Variants in RASGRF2 observed in about 807,000 individuals in gnomAD.
The protein encoded by RASGRF2 is Ras protein specific guanine nucleotide releasing factor 2.
A neutral mutation model predicts 151.0 loss-of-function variants in RASGRF2; 76 were observed. The observed-to-expected ratio is 0.50, with a 90% CI of 0.42 to 0.61. The LOEUF (loss-of-function observed/expected upper bound fraction) is 0.61. Ranked by LOEUF, RASGRF2 falls within the 20% of genes least tolerant of loss-of-function variation. The pLI is 0.00. For synonymous variants in RASGRF2, 504 were observed against 566.5 expected (o/e 0.89, Z 1.57); for missense variants, 1,148 against 1,564.6 (o/e 0.73, Z 4.49).
rs1747509725 is a variant in RASGRF2, at chr5:80,960,574, G to C, written c.-165G>C. 17 of 561,844 alleles carry C rather than the reference G, an allele frequency of 3.0e-5. No individual in the cohort carries two copies. Among genetic ancestry groups the C allele is most frequent in the South Asian group, 9.3e-5 (1 of 10,724 alleles). The allele number at this position is 561,844 out of a possible 1,614,324, so 34.8% of individuals were successfully genotyped here. On this transcript the variant is annotated 5_prime_UTR_variant, in exon 1 of 27. Transcript: ENST00000265080. The surrounding 1 kb of genome is among the most constrained non-coding windows in gnomAD (Gnocchi z 5.5). ...CCGCGCCCCTGCCACCGCGCGCCGC[G>C]GCCTCCCGAAAGCGGGCGGGGTGCC...
chr5:81,146,847 C>T (rs1383903398), intron 17 of RASGRF2, among the ~76,000 whole-genome samples: 1 of 152,130 alleles, frequency 6.6e-6, no homozygotes, highest in Non-Finnish European at 1.5e-5. Context: ...GTTATTCTTT[C>T]CCACTCTGTA....
intron 12 of RASGRF2, among the ~76,000 whole-genome samples, chr5:81,098,617 G>A (rs1415079839): frequency 6.6e-6 from 1 of 152,196 alleles, no homozygotes; most frequent in Non-Finnish European, 1.5e-5. Context: ...GTGGTCACAT[G>A]TCAACTGCTG....
At chr5:81,081,615 G>A (rs183870548) in intron 7 of RASGRF2, among the ~76,000 whole-genome samples, 15 of 152,266 alleles carry the variant, frequency 9.9e-5, no homozygotes, top group African/African-American at 3.4e-4. Context: ...ATTGTCATGT[G>A]GTAAACCGAT....
Position 81,212,570 on chromosome 5 carries a change from C to T in RASGRF2, c.3354+7C>T, listed in dbSNP as rs1580410739. On this transcript the variant is annotated splice_region_variant and intron_variant, in intron 23 of 26. Transcript: ENST00000265080. ...GGCCAAGGTCTCTAAGCAGGTGAGCCTCAGCGTGTGACACAGCCTGCTGCT... is the reference window on the plus strand; with the variant it reads ...GGCCAAGGTCTCTAAGCAGGTGAGCTTCAGCGTGTGACACAGCCTGCTGCT... The T allele has an allele frequency of 6.2e-7, 1 of 1,603,860 alleles. No individual in the cohort carries two copies. Among genetic ancestry groups the T allele is most frequent in the South Asian group, 1.1e-5 (1 of 89,704 alleles).
At chr5:81,159,597 G>T (rs1754336608) in intron 17 of RASGRF2, among the ~76,000 whole-genome samples, 1 of 152,182 alleles carries the variant, frequency 6.6e-6, no homozygotes, top group African/African-American at 2.4e-5. Flanking sequence ...TTGGAACTAG[G>T]GGTATTTTGT....
intron 13 of RASGRF2, among the ~76,000 whole-genome samples, chr5:81,109,426 C>T (rs558210960): frequency 3.3e-5 from 5 of 152,270 alleles, no homozygotes; most frequent in African/African-American, 7.2e-5. Flanking sequence ...GAGGCCGAGG[C>T]GGGTGGATTA....
At chr5:81,107,026 G>T (rs906595426) in intron 12 of RASGRF2, among the ~76,000 whole-genome samples, 4 of 152,004 alleles carry the variant, frequency 2.6e-5, no homozygotes, top group African/African-American at 9.7e-5. Flanking sequence ...TGTACTTTCA[G>T]CTGTTTATAC....
intron 1 of RASGRF2, among the ~76,000 whole-genome samples, chr5:81,023,111 T>C (rs1749889459): frequency 6.6e-6 from 1 of 151,988 alleles, no homozygotes; most frequent in African/African-American, 2.4e-5. Context: ...GGAAGGAAGG[T>C]AACAAGTACA....
chr5:81,039,732 G>A (rs186276252), intron 1 of RASGRF2, among the ~76,000 whole-genome samples: 25 of 149,102 alleles, frequency 1.7e-4, no homozygotes, highest in African/African-American at 5.4e-4. Context: ...ATATGTATAG[G>A]CTAAGAAGAA....
In RASGRF2 at chr5:81,225,857, C is replaced by A; in HGVS notation, c.*87C>A. On this transcript the variant is annotated 3_prime_UTR_variant, in exon 27 of 27. Transcript: ENST00000265080. ...GTATGCCTTGCCTATCACGGTACAGCACGAAGCCAGGCTCCTTTCTCCACC... is the reference window on the plus strand; with the variant it reads ...GTATGCCTTGCCTATCACGGTACAGAACGAAGCCAGGCTCCTTTCTCCACC... 1 of 1,382,722 alleles carries A rather than the reference C, an allele frequency of 7.2e-7. No individual in the cohort carries two copies. The highest frequency in any genetic ancestry group is 9.7e-7 in the Non-Finnish European group (1 of 1,033,800). 85.7% of individuals were successfully genotyped at this position (1,382,722 alleles called of 1,614,324 possible).
chr5:81,039,491 G>A (rs1051058729), intron 1 of RASGRF2, among the ~76,000 whole-genome samples: 1 of 151,986 alleles, frequency 6.6e-6, no homozygotes. Context: ...TCTATATTAT[G>A]CATTAAAACA....
chr5:81,213,934 G>A (rs1024239581), intron 23 of RASGRF2, among the ~76,000 whole-genome samples: 2 of 152,174 alleles, frequency 1.3e-5, no homozygotes, highest in Non-Finnish European at 2.9e-5. Flanking sequence ...ATAACGCGGG[G>A]ATTCCCTGCA....
At chr5:81,044,167 C>T (rs1025707056) in intron 2 of RASGRF2, among the ~76,000 whole-genome samples, 1 of 152,074 alleles carries the variant, frequency 6.6e-6, no homozygotes, top group Non-Finnish European at 1.5e-5. Flanking sequence ...CCTGTAATCC[C>T]AGCACTTTGG....
intron 17 of RASGRF2, among the ~76,000 whole-genome samples, chr5:81,155,853 G>A (rs1754249508): frequency 6.6e-6 from 1 of 152,164 alleles, no homozygotes; most frequent in African/African-American, 2.4e-5. Flanking sequence ...TGGGGGATTA[G>A]GGAATTTGAC....
chr5:81,176,699 T>C (rs1453739133), intron 17 of RASGRF2, among the ~76,000 whole-genome samples: 2 of 152,198 alleles, frequency 1.3e-5, no homozygotes, highest in African/African-American at 4.8e-5. Context: ...AGGTTTTGCA[T>C]GTGCTTTTGT....
chr5:81,201,546 C>G (rs934225014), intron 19 of RASGRF2, 104 bp downstream of exon 19: 13 of 1,254,762 alleles, frequency 1.0e-5, no homozygotes, highest in Non-Finnish European at 1.4e-5. Flanking sequence ...ACAGTGGGGA[C>G]TATGTTCTCA....
At chr5:80,977,841 A>T (rs1458367818) in intron 1 of RASGRF2, among the ~76,000 whole-genome samples, 1 of 152,212 alleles carries the variant, frequency 6.6e-6, no homozygotes, top group Non-Finnish European at 1.5e-5. Context: ...GAAAGTTTGG[A>T]TGCTACAGAT....
chr5:81,133,862 T>C (rs1030481509), intron 17 of RASGRF2, among the ~76,000 whole-genome samples: 1 of 152,224 alleles, frequency 6.6e-6, no homozygotes, highest in Non-Finnish European at 1.5e-5. Flanking sequence ...ATAATCTGTT[T>C]TATCTTCTGT....
chr5:81,222,566 T>C (rs1755878118), intron 26 of RASGRF2, among the ~76,000 whole-genome samples: 1 of 152,258 alleles, frequency 6.6e-6, no homozygotes. Context: ...TAGCACTTAC[T>C]GCTGGAGTCA....
Sources: gnomAD v4.1 joint callset for allele counts (sites outside exome capture counted in the v4.1 genomes callset) on GRCh38, gnomAD v4.1.1 for gene constraint, Gnocchi (gnomAD v3.1) non-coding constraint, MANE v1.5 for transcripts, NCBI Gene and HGNC (gene_info 2026-07-23, HGNC 2026-07-21) for gene names.